ADGRG7: variants seen among roughly 807,000 people sequenced by gnomAD.
ADGRG7 encodes the protein adhesion G protein-coupled receptor G7, also known as G-protein coupled receptor 128.
Under a neutral mutation model 88.6 loss-of-function variants are expected in ADGRG7, and 82 were observed. The ratio of observed to expected loss-of-function variants is 0.93; its 90% CI spans 0.77 to 1.11. The LOEUF is 1.11. Among genes scored for constraint, ADGRG7 ranks in the 50% most tolerant of loss-of-function variants. The pLI, the probability that ADGRG7 is intolerant of heterozygous loss-of-function variation, is 0.00. For missense variants in ADGRG7, 945 were observed against 953.4 expected, an observed-to-expected ratio of 0.99 and a Z score of 0.12; for synonymous variants, 381 against 345.2, an observed-to-expected ratio of 1.10 and a Z score of -1.15.
Position 100,660,940 on chromosome 3 carries a change from G to A in ADGRG7, c.1979+1097G>A, listed in dbSNP as rs191769450. Among the ~76,000 whole-genome samples, 401 of 141,380 alleles carry A rather than the reference G, an allele frequency of 2.8e-3. 5 individuals carry two copies. The highest frequency in any genetic ancestry group is 0.01 in the African/African-American group (376 of 36,904). 92.8% of individuals were successfully genotyped at this position (141,380 alleles called of 152,430 possible). On this transcript the variant is annotated intron_variant, in intron 14 of 15. Coordinates refer to ENST00000273352, the MANE Select transcript of ADGRG7 (RefSeq NM_032787.3). Reference sequence around the variant, plus strand: ...GCACTCCAGCCTGGGCAACAAGAGCGAAACTCCATCTCAAAAAAAAAAAAA... The same window carrying A: ...GCACTCCAGCCTGGGCAACAAGAGCAAAACTCCATCTCAAAAAAAAAAAAA...
At chr3:100,683,442 G>A (rs761363728) in intron 15 of ADGRG7, among the ~76,000 whole-genome samples, 1 of 152,216 alleles carries the variant, frequency 6.6e-6, no homozygotes, top group Non-Finnish European at 1.5e-5. Flanking sequence ...CGGTTCCCTG[G>A]TGTTAGCCAT....
At chr3:100,623,968 G>A (rs1458193984) in intron 1 of ADGRG7, among the ~76,000 whole-genome samples, 4 of 152,000 alleles carry the variant, frequency 2.6e-5, no homozygotes. Context: ...CATTTGGGTT[G>A]GTTCCATGTC....
chr3:100,609,895 G>A lies in ADGRG7; in HGVS notation c.39G>A (p.Val13=), dbSNP rs115388564. 1.9e-6 allele frequency: 3 copies of A among 1,614,036 alleles called. No homozygotes were observed. Among genetic ancestry groups the A allele is most frequent in the Non-Finnish European group, 2.5e-6 (3 of 1,179,916 alleles). The stretch of plus-strand genomic sequence containing the variant: ...GTGCCTGGAACCTTAGGGTGCTGGT[G>A]GCTGTCGTGTGTGGACTACTGACTG... ...SCRAWNLRVL[V]AVVCGLLTGI... Residue 13 remains valine (V), a synonymous_variant, in exon 1 of 16, where the codon GTG becomes GTA. Coordinates refer to ENST00000273352, the MANE Select transcript of ADGRG7 (RefSeq NM_032787.3).
chr3:100,622,907 G>C (rs1041580689), intron 1 of ADGRG7, among the ~76,000 whole-genome samples: 1 of 149,934 alleles, frequency 6.7e-6, no homozygotes, highest in Non-Finnish European at 1.5e-5. Context: ...GCGTCACCAT[G>C]CCCGGAAAAT....
rs371206977 is a variant in ADGRG7 at position 100,629,564 on chromosome 3, T to G, written c.116-34T>G. ...ATGAAAGGAGAAATGAATCAGCCAG[T>G]TCATGACTATTCTGTTATTTATTGT... On this transcript the variant is annotated intron_variant, in intron 1 of 15. Transcript: ENST00000273352. 2.0e-6 allele frequency: 3 copies of G among 1,476,568 alleles called. No homozygotes were observed. In the African/African-American group the frequency reaches 4.2e-5, roughly 20 times the overall value. The allele number at this position is 1,476,568 out of a possible 1,614,324, so 91.5% of individuals were successfully genotyped here.
intron 14 of ADGRG7, among the ~76,000 whole-genome samples, chr3:100,661,884 G>C (rs2094946063): frequency 6.6e-6 from 1 of 152,080 alleles, no homozygotes; most frequent in Non-Finnish European, 1.5e-5. Context: ...GATTTGTCCA[G>C]AAATGTTTGA....
chr3:100,633,297 C>A lies in ADGRG7; in HGVS notation c.367C>A (p.Leu123Ile), dbSNP rs757720814. The A allele has an allele frequency of 2.6e-6, 4 of 1,537,340 alleles. No individual in the cohort carries two copies. Among genetic ancestry groups the A allele is most frequent in the Non-Finnish European group, 3.5e-6 (4 of 1,140,420 alleles). ...GNPMAVRLCS[L>I]SLYGEIELQK... Reference sequence around the variant, plus strand: ...TCCAATGGCAGTCCGGTTGTGCAGTCTCTCTCTATATGGAGAGATAGAATT... The same window carrying A: ...TCCAATGGCAGTCCGGTTGTGCAGTATCTCTCTATATGGAGAGATAGAATT... Residue 123 changes from leucine to isoleucine, a missense_variant, in exon 4 of 16, where the codon CTC becomes ATC. Coordinates refer to ENST00000273352, the MANE Select transcript of ADGRG7 (RefSeq NM_032787.3).
chr3:100,641,154 G>A (rs79214345), intron 6 of ADGRG7, among the ~76,000 whole-genome samples: 3,548 of 152,190 alleles, frequency 0.023, 110 homozygotes, highest in African/African-American at 0.069. Context: ...AAGAGAGTTC[G>A]TTCAAGTGCA....
chr3:100,680,837 G>A (rs2094972453), intron 15 of ADGRG7, among the ~76,000 whole-genome samples: 1 of 152,042 alleles, frequency 6.6e-6, no homozygotes, highest in Non-Finnish European at 1.5e-5. Flanking sequence ...CTTTAGATAT[G>A]TATTTTAAGG....
intron 2 of ADGRG7, 25 bp downstream of exon 2, chr3:100,629,736 A>C: frequency 6.9e-7 from 1 of 1,456,092 alleles, no homozygotes; most frequent in African/African-American, 1.4e-5. Flanking sequence ...ATAATGCTAA[A>C]GTGTAAGGTT....
chr3:100,616,634 G>T (rs1414730241), intron 1 of ADGRG7, among the ~76,000 whole-genome samples: 1 of 152,094 alleles, frequency 6.6e-6, no homozygotes, highest in Non-Finnish European at 1.5e-5. Flanking sequence ...AACGTAGCAA[G>T]ACCTCATCTC....
intron 15 of ADGRG7, among the ~76,000 whole-genome samples, chr3:100,674,363 T>A (rs1044139913): frequency 6.6e-6 from 1 of 152,188 alleles, no homozygotes; most frequent in Non-Finnish European, 1.5e-5. Context: ...TTGCATAGAA[T>A]CTGTAGATTG....
chr3:100,685,944 C>T (rs1234693558), intron 15 of ADGRG7, among the ~76,000 whole-genome samples: 1 of 151,052 alleles, frequency 6.6e-6, no homozygotes, highest in Non-Finnish European at 1.5e-5. Flanking sequence ...CCTGAGGAAT[C>T]GCCACACTGA....
Position 100,659,840 on chromosome 3 carries a change from CA to C in ADGRG7, c.1978del (p.Ser660AlafsTer8). On this transcript the variant is annotated frameshift_variant and splice_region_variant, in exon 14 of 16. Coordinates refer to ENST00000273352, the MANE Select transcript of ADGRG7 (RefSeq NM_032787.3). LOFTEE classifies it high-confidence loss of function. ...CTGTGGAAGAATAACCAGAACCTGA[CA>C]AGGTAAGATTCCCAATGAATGGGAA... Reference protein sequence around the residue: ...KVLWKNNQNLTSTKKVSSMKK... With the variant: ...KVLWKNNQNLXSTKKVSSMKK... 3 of 1,613,256 alleles carry C rather than the reference CA, an allele frequency of 1.9e-6. No individual in the cohort carries two copies. The highest frequency in any genetic ancestry group is 2.5e-6 in the Non-Finnish European group (3 of 1,179,612).
intron 4 of ADGRG7, among the ~76,000 whole-genome samples, chr3:100,635,000 G>GACACACAC (rs142620077): frequency 0.021 from 3,149 of 146,734 alleles, 114 homozygotes; most frequent in African/African-American, 0.075. Context: ...TGAAAACCAA[G>GACACACAC]ACACACACAC....
At chr3:100,673,571 C>G (rs2094961366) in intron 15 of ADGRG7, among the ~76,000 whole-genome samples, 1 of 151,824 alleles carries the variant, frequency 6.6e-6, no homozygotes, top group Non-Finnish European at 1.5e-5. Flanking sequence ...AGGAGATTCT[C>G]CTGCCTCAGC....
intron 1 of ADGRG7, among the ~76,000 whole-genome samples, chr3:100,627,922 G>C (rs1056146690): frequency 6.6e-6 from 1 of 151,934 alleles, no homozygotes; most frequent in African/African-American, 2.4e-5. Context: ...TTATATGTTA[G>C]ACAATATGTT....
intron 15 of ADGRG7, among the ~76,000 whole-genome samples, chr3:100,674,533 T>A (rs983349751): frequency 8.5e-5 from 13 of 152,228 alleles, no homozygotes; most frequent in African/African-American, 3.1e-4. Context: ...TCTAAGGTAT[T>A]GCATTTTATT....
chr3:100,677,167 C>T (rs565467911), intron 15 of ADGRG7, among the ~76,000 whole-genome samples: 2 of 152,080 alleles, frequency 1.3e-5, no homozygotes, highest in East Asian at 3.9e-4. Context: ...TCTTTTCTGT[C>T]TTCCTTTTAG....
Sources: allele counts gnomAD v4.1 joint callset (sites outside exome capture counted in the v4.1 genomes callset), GRCh38; gene constraint gnomAD v4.1.1; transcripts MANE v1.5; gene names NCBI Gene and HGNC (gene_info 2026-07-23, HGNC 2026-07-21).